The following EYA3 variants were observed in gnomAD, a reference collection of about 807,000 sequenced individuals.
The protein encoded by EYA3 is protein phosphatase EYA3.
EYA3 carries 39 observed loss-of-function variants against 80.0 expected under a neutral mutation model. That is an observed-to-expected ratio of 0.49 (90% CI 0.38 to 0.64). The LOEUF is 0.64. EYA3 is among the 30% of genes least tolerant of loss of function. The pLI, the probability that EYA3 is intolerant of heterozygous loss-of-function variation, is 0.00. For synonymous variants in EYA3, 206 were observed against 232.8 expected (o/e 0.88, Z 1.05); for missense variants, 523 against 676.1 (o/e 0.77, Z 2.51).
rs1427636494 is a variant in EYA3 at position 28,009,238 on chromosome 1, C to G, written c.909+1709G>C. Among the ~76,000 whole-genome samples the G allele has an allele frequency of 6.6e-6, 1 of 152,094 alleles. No individual in the cohort carries two copies. The stretch of plus-strand genomic sequence containing the variant: ...TCACAATAGCACAAAGGTGACAAAC[C>G]CCAAGTGTCCATCAACAGATGAATG... On this transcript the variant is annotated intron_variant, in intron 10 of 17. Coordinates refer to ENST00000373871, the MANE Select transcript of EYA3 (RefSeq NM_001990.4). The surrounding 1 kb of genome is among the most constrained non-coding windows in gnomAD (Gnocchi z 4.8).
In EYA3 at chr1:27,988,552, T is replaced by G; in HGVS notation, c.1523A>C (p.Tyr508Ser). 1 of 1,613,952 alleles carries G rather than the reference T, an allele frequency of 6.2e-7. No individual in the cohort carries two copies. Residue 508 changes from tyrosine (Y) to serine (S), a missense_variant, in exon 16 of 18, where the codon TAT (tyrosine) becomes TCT (serine). This residue lies in a region of EYA3 where 219 missense variants were observed against 332.8 expected (regional missense o/e 0.66). Coordinates refer to ENST00000373871, the MANE Select transcript of EYA3 (RefSeq NM_001990.4). Reference protein sequence around the residue: ...LGEIFPIENIYSATKIGKESC... With the variant: ...LGEIFPIENISSATKIGKESC... ...AACCATACCAATTTTGGTAGCACTA[T>G]AGATGTTCTCAATAGGAAATATTTC...
At chr1:27,988,429 A>G in intron 16 of EYA3, 106 bp downstream of exon 16, 1 of 1,248,050 alleles carries the variant, frequency 8.0e-7, no homozygotes, top group Non-Finnish European at 1.1e-6. Flanking sequence ...GACTGTAGGT[A>G]TTACAAATAA....
chr1:27,998,394 T>G (rs560548868), intron 12 of EYA3: 1 of 760,984 alleles, frequency 1.3e-6, no homozygotes, highest in Non-Finnish European at 1.6e-6. Context: ...ATTATTGGCA[T>G]GTAGTAGGTT....
intron 1 of EYA3, among the ~76,000 whole-genome samples, chr1:28,074,800 T>C (rs987475319): frequency 3.3e-5 from 5 of 152,212 alleles, no homozygotes; most frequent in East Asian, 1.9e-4. Flanking sequence ...TTAAATAAGG[T>C]AATGTGACAA....
chr1:28,056,149 A>C (rs1644430747), intron 2 of EYA3, among the ~76,000 whole-genome samples: 1 of 152,152 alleles, frequency 6.6e-6, no homozygotes, highest in Non-Finnish European at 1.5e-5. Context: ...ATCTCCCCTG[A>C]GATCCAGTGC....
At chr1:27,975,957 A>G (rs1035410235) in intron 17 of EYA3, among the ~76,000 whole-genome samples, 9 of 152,158 alleles carry the variant, frequency 5.9e-5, no homozygotes, top group African/African-American at 2.2e-4. Flanking sequence ...GATAAATCCA[A>G]GTATTGGAAA....
In EYA3 at chr1:28,004,278, G is replaced by A. The variant is rs947753877; in HGVS notation, c.993+58C>T. The A allele has an allele frequency of 6.7e-6, 8 of 1,192,962 alleles. No homozygotes were observed. The African/African-American group carries it at 1.1e-4, about 16-fold the overall frequency. The allele number at this position is 1,192,962 out of a possible 1,614,324, so 73.9% of individuals were successfully genotyped here. ...AGAAATAATTTGTTATGTGTCAGAA[G>A]AGGGACTGACTATATAGTCAGAAGA... is the stretch of plus-strand genomic sequence containing the variant. On this transcript the variant is annotated intron_variant, in intron 11 of 17. Coordinates refer to ENST00000373871, the MANE Select transcript of EYA3 (RefSeq NM_001990.4).
At chr1:28,007,772 G>T (rs1449890446) in intron 10 of EYA3, among the ~76,000 whole-genome samples, 2 of 152,176 alleles carry the variant, frequency 1.3e-5, no homozygotes, top group Non-Finnish European at 2.9e-5. Flanking sequence ...AGACATCCAT[G>T]TTCATGGATT....
chr1:28,086,982 T>C (rs923353091), intron 1 of EYA3, among the ~76,000 whole-genome samples: 12 of 152,186 alleles, frequency 7.9e-5, no homozygotes, highest in African/African-American at 1.9e-4. Context: ...TATATGTATA[T>C]GTATCATATA....
In EYA3 at chr1:28,009,434, G is replaced by A. The variant is rs369819060; in HGVS notation, c.909+1513C>T. ...TGGGAGGCCGAGGCAGGCGGATCAC[G>A]AGGTCAGGAGTTTAAGAACAGACTG... On this transcript the variant is annotated intron_variant, in intron 10 of 17. Coordinates refer to ENST00000373871, the MANE Select transcript of EYA3 (RefSeq NM_001990.4). The surrounding 1 kb of genome is among the most constrained non-coding windows in gnomAD (Gnocchi z 4.8). Among the ~76,000 whole-genome samples the A allele has an allele frequency of 6.6e-6, 1 of 152,070 alleles. No homozygotes were observed. The highest frequency in any genetic ancestry group is 1.9e-4 in the East Asian group (1 of 5,184).
chr1:28,003,306 C>G (rs558004399), intron 11 of EYA3, among the ~76,000 whole-genome samples: 1 of 151,054 alleles, frequency 6.6e-6, no homozygotes, highest in East Asian at 2.0e-4. Flanking sequence ...ACAACAACAA[C>G]AACAACAACA....
intron 8 of EYA3, among the ~76,000 whole-genome samples, chr1:28,015,446 G>A (rs12569074): frequency 0.068 from 10,346 of 152,070 alleles, 626 homozygotes; most frequent in East Asian, 0.25. Flanking sequence ...GGAGAATGGC[G>A]TGAACCCGGG....
chr1:28,042,890 G>A (rs949609760), intron 3 of EYA3, among the ~76,000 whole-genome samples: 1 of 151,960 alleles, frequency 6.6e-6, no homozygotes, highest in Non-Finnish European at 1.5e-5. Flanking sequence ...TGTCACCCAG[G>A]CTCGAGTGCA....
rs189732877 is a variant in EYA3, at chr1:28,046,747, T to G, written c.77+1636A>C. On this transcript the variant is annotated intron_variant, in intron 3 of 17. Coordinates refer to ENST00000373871, the MANE Select transcript of EYA3 (RefSeq NM_001990.4). ...TAGTTGGGTTTAATCAGGGTTGTGG[T>G]TTTGCTAGGCAAGTATGACAGAAAA... 1.2e-4 allele frequency among the ~76,000 whole-genome samples: 19 copies of G among 152,322 alleles called. No homozygotes were observed. In the East Asian group the frequency reaches 3.3e-3, roughly 26 times the overall value.
intron 2 of EYA3, among the ~76,000 whole-genome samples, chr1:28,049,827 C>CT (rs1391435698): frequency 2.0e-5 from 3 of 152,000 alleles, no homozygotes; most frequent in Non-Finnish European, 2.9e-5. Flanking sequence ...AAAATATAGC[C>CT]TTTTTTTATA....
At position 28,013,116 on chromosome 1, in the gene EYA3, G is replaced by A. The variant is rs964909906; in HGVS notation, c.764C>T (p.Ser255Phe). The change falls in exon 9 of 18, where the codon TCC becomes TTC. Residue 255 changes from serine (S) to phenylalanine (F), a missense_variant. Transcript: ENST00000373871. The surrounding 1 kb of genome is among the most constrained non-coding windows in gnomAD (Gnocchi z 4.0). ...TTCAGAGCTGCGGTGCTTACCAGAGGAAAGTCTCTGTGCTGCAGGTGCAGG... is the reference window on the plus strand; with the variant it reads ...TTCAGAGCTGCGGTGCTTACCAGAGAAAAGTCTCTGTGCTGCAGGTGCAGG... ...MAPAPAAQRL[S>F]SGDPSTSPSL... The A allele has an allele frequency of 7.4e-6, 12 of 1,611,752 alleles. No homozygotes were observed. In the Middle Eastern group the frequency reaches 1.1e-3, roughly 148 times the overall value.
chr1:28,075,791 T>C (rs1262569322), intron 1 of EYA3, among the ~76,000 whole-genome samples: 1 of 152,216 alleles, frequency 6.6e-6, no homozygotes, highest in Non-Finnish European at 1.5e-5. Context: ...ACATATACTT[T>C]TCGCTGTGAT....
intron 1 of EYA3, among the ~76,000 whole-genome samples, chr1:28,064,426 T>C (rs1644757199): frequency 7.3e-6 from 1 of 136,546 alleles, no homozygotes; most frequent in Non-Finnish European, 1.6e-5. Flanking sequence ...AGCGAGACTC[T>C]GCCTCAAAAA....
chr1:28,048,516 AG>A, intron 2 of EYA3, 90 bp from the exon 3 acceptor site: 1 of 899,950 alleles, frequency 1.1e-6, no homozygotes, highest in Non-Finnish European at 1.7e-6. Context: ...TAACTATTAC[AG>A]GATAACTGTT....
Sources: allele counts gnomAD v4.1 joint callset (sites outside exome capture counted in the v4.1 genomes callset), GRCh38; gene constraint gnomAD v4.1.1; regional missense constraint gnomAD v4.1.1; non-coding constraint Gnocchi (gnomAD v3.1); transcripts MANE v1.5; gene names NCBI Gene and HGNC (gene_info 2026-07-23, HGNC 2026-07-21).